Variants in RBM28 observed in about 807,000 individuals in gnomAD.
RBM28 encodes RNA binding motif protein 28, also known as RNA-binding protein 28.
In RBM28, 78 loss-of-function variants were observed where a neutral mutation model predicts 98.3. The observed-to-expected ratio is 0.79, with a 90% CI of 0.66 to 0.96. The LOEUF is 0.96. Ranked by LOEUF, RBM28 falls within the 40% of genes least tolerant of loss-of-function variation. The pLI, the probability that RBM28 is intolerant of heterozygous loss-of-function variation, is 0.00. For missense variants in RBM28, 838 were observed against 913.0 expected (o/e 0.92, Z 1.06); for synonymous variants, 306 against 330.9 (o/e 0.92, Z 0.82).
At position 128,303,294 on chromosome 7, in the gene RBM28, G is replaced by A. The variant is rs1360677830; in HGVS notation, c.*7503C>T. ...CTCTGGTACTAGCTCAGGTGGCCAA[G>A]GGGTTTCAGGAGAGGGTCTGGACTT... On this transcript the variant is annotated 3_prime_UTR_variant, in exon 19 of 19. Coordinates refer to ENST00000223073, the MANE Select transcript of RBM28 (RefSeq NM_018077.3). 6.6e-6 allele frequency: 1 copy of A among 152,288 alleles called. No homozygotes were observed. The highest frequency in any genetic ancestry group is 2.4e-5 in the African/African-American group (1 of 41,462). The allele number at this position is 152,288 out of a possible 1,614,324, so 9.4% of individuals were successfully genotyped here.
chr7:128,336,745 A>T (rs1796608341), intron 6 of RBM28, among the ~76,000 whole-genome samples: 1 of 152,194 alleles, frequency 6.6e-6, no homozygotes, highest in Non-Finnish European at 1.5e-5. Context: ...TTACTCTGAT[A>T]AGCAGGTTCT....
Position 128,299,029 on chromosome 7 carries a change from A to AAAC in RBM28, c.*11767_*11768insGTT, listed in dbSNP as rs1554397893. The AAAC allele has an allele frequency of 6.6e-6, 1 of 151,136 alleles. No individual in the cohort carries two copies. The highest frequency in any genetic ancestry group is 1.5e-5 in the Non-Finnish European group (1 of 67,708). 9.4% of individuals were successfully genotyped at this position (151,136 alleles called of 1,614,324 possible). A position where few individuals can be genotyped will look rare whatever the true frequency, so the allele number is the denominator to read the frequency against. ...CCCTCTCTCTCAAAAAAAAAAAAAA[A>AAAC]TGTACCCATATTTGTTTTCATCAGG... On this transcript the variant is annotated 3_prime_UTR_variant, in exon 19 of 19. Coordinates refer to ENST00000223073, the MANE Select transcript of RBM28 (RefSeq NM_018077.3).
intron 13 of RBM28, 39 bp downstream of exon 13, chr7:128,323,486 AGG>A: frequency 6.2e-7 from 1 of 1,607,676 alleles, no homozygotes; most frequent in South Asian, 1.1e-5. Flanking sequence ...ATTGATTTAT[AGG>A]CCACGCAGAA....
At chr7:128,330,970 A>ATAGGATCTCACTTATG in intron 9 of RBM28, 42 bp from the exon 10 acceptor site, 1 of 1,276,034 alleles carries the variant, frequency 7.8e-7, no homozygotes, top group Non-Finnish European at 1.1e-6. Flanking sequence ...AGTCAATTAC[A>ATAGGATCTCACTTATG]TAAGTGAGAT....
chr7:128,321,481 A>C lies in RBM28; in HGVS notation c.1405-57T>G, dbSNP rs73230649. ...CCCACTCTTTTTAAGAGGTAGGCTC[A>C]TAATTCTCCAAAAGGAAAGAATTAT... On this transcript the variant is annotated intron_variant, in intron 13 of 18. Coordinates refer to ENST00000223073, the MANE Select transcript of RBM28 (RefSeq NM_018077.3). 98,924 of 1,599,664 alleles carry C rather than the reference A, an allele frequency of 0.062. 3,611 individuals carry two copies. The highest frequency in any genetic ancestry group is 0.073 in the Non-Finnish European group (85,034 of 1,168,298).
intron 17 of RBM28, among the ~76,000 whole-genome samples, chr7:128,313,956 CTCTTT>C (rs1195859414): frequency 2.6e-5 from 4 of 151,912 alleles, no homozygotes; most frequent in South Asian, 2.1e-4. Flanking sequence ...CCAATTAAGC[CTCTTT>C]TCTTTTCTTT....
chr7:128,313,080 T>C, intron 18 of RBM28, 95 bp downstream of exon 18: 1 of 1,280,752 alleles, frequency 7.8e-7, no homozygotes, highest in Non-Finnish European at 1.1e-6. Context: ...GAAGTCTTTC[T>C]TTTTTTCTTT....
At chr7:128,316,043 TAA>T (rs1796101323) in intron 16 of RBM28, among the ~76,000 whole-genome samples, 1 of 130,300 alleles carries the variant, frequency 7.7e-6, no homozygotes, top group Non-Finnish European at 1.8e-5. Flanking sequence ...AATGTAATGA[TAA>T]GTGTGTGTTG....
At chr7:128,320,785 G>A (rs1796214168) in intron 14 of RBM28, among the ~76,000 whole-genome samples, 1 of 152,212 alleles carries the variant, frequency 6.6e-6, no homozygotes, top group South Asian at 2.1e-4. Context: ...AATTCAGTCA[G>A]ATGTAAAAGA....
intron 13 of RBM28, among the ~76,000 whole-genome samples, chr7:128,322,292 C>T (rs995576909): frequency 6.6e-6 from 1 of 152,184 alleles, no homozygotes; most frequent in East Asian, 1.9e-4. Context: ...GAGCAATACC[C>T]TCAACTATGC....
chr7:128,322,387 CCAA>C (rs201365680), intron 13 of RBM28, among the ~76,000 whole-genome samples: 3,560 of 152,180 alleles, frequency 0.023, 131 homozygotes, highest in African/African-American at 0.079. Flanking sequence ...TTTTTTTAAA[CCAA>C]GTTGGTAGAA....
At chr7:128,334,012 CACT>C (rs1274109010) in intron 8 of RBM28, among the ~76,000 whole-genome samples, 4 of 152,272 alleles carry the variant, frequency 2.6e-5, no homozygotes, top group African/African-American at 4.8e-5. Flanking sequence ...TTATAAAATA[CACT>C]ACATTTTGAA....
chr7:128,327,426 TC>T (rs924487266), intron 10 of RBM28, among the ~76,000 whole-genome samples: 3 of 152,136 alleles, frequency 2.0e-5, no homozygotes, highest in African/African-American at 4.8e-5. Context: ...CTCTAGAATC[TC>T]CATAAGGCAT....
Position 128,322,778 on chromosome 7 carries a change from G to A in RBM28, c.1404+749C>T, listed in dbSNP as rs138706721. 1.9e-3 allele frequency among the ~76,000 whole-genome samples: 293 copies of A among 152,136 alleles called. 1 individual carries two copies. Among genetic ancestry groups the A allele is most frequent in the Admixed American group, 4.6e-3 (70 of 15,276 alleles). ...TCTCCAGAGCCTATGATTTCTAGGT[G>A]TTCACTACCACAAAAGTTGAAAACA... On this transcript the variant is annotated intron_variant, in intron 13 of 18. Coordinates refer to ENST00000223073, the MANE Select transcript of RBM28 (RefSeq NM_018077.3).
intron 9 of RBM28, among the ~76,000 whole-genome samples, chr7:128,331,211 T>C (rs552449480): frequency 5.5e-4 from 84 of 152,248 alleles, no homozygotes; most frequent in African/African-American, 1.8e-3. Context: ...GGGAAACTTC[T>C]GGGGTGCTGG....
intron 4 of RBM28, 52 bp from the exon 5 acceptor site, chr7:128,338,394 A>G (rs765236772): frequency 3.5e-6 from 5 of 1,445,852 alleles, no homozygotes; most frequent in African/African-American, 1.4e-5. Flanking sequence ...AGGTAGCCAG[A>G]ATACTAAGAA....
chr7:128,330,722 C>T, intron 10 of RBM28, 97 bp downstream of exon 10: 1 of 893,218 alleles, frequency 1.1e-6, no homozygotes, highest in Non-Finnish European at 1.9e-6. Context: ...GGACTGTGAA[C>T]CCCTCAAAAT....
At chr7:128,332,181 T>C (rs1796494278) in intron 9 of RBM28, among the ~76,000 whole-genome samples, 1 of 152,142 alleles carries the variant, frequency 6.6e-6, no homozygotes, top group African/African-American at 2.4e-5. Context: ...GACATGCAGT[T>C]AGGTGAGAAA....
At chr7:128,342,088 G>A (rs957003980) in intron 1 of RBM28, among the ~76,000 whole-genome samples, 12 of 152,266 alleles carry the variant, frequency 7.9e-5, no homozygotes, top group Middle Eastern at 3.4e-3. Flanking sequence ...GAGCCCAGGA[G>A]TTTAAGGTTA....
Sources: gnomAD v4.1 joint callset for allele counts (sites outside exome capture counted in the v4.1 genomes callset) on GRCh38, gnomAD v4.1.1 for gene constraint, MANE v1.5 for transcripts, NCBI Gene and HGNC (gene_info 2026-07-23, HGNC 2026-07-21) for gene names.